Variants in OPCML observed in about 807,000 individuals in gnomAD.
OPCML encodes opioid binding protein/cell adhesion molecule like, also known as opioid-binding protein/cell adhesion molecule.
OPCML carries 13 observed loss-of-function variants against 37.8 expected under a neutral mutation model. The observed-to-expected ratio is 0.34, with a 90% CI of 0.22 to 0.55. The LOEUF is 0.55. Among genes scored for constraint, OPCML ranks in the 20% least tolerant of loss-of-function variants. The probability of loss-of-function intolerance (pLI) is 0.91; values close to 1 mark genes in which losing one functional copy is unlikely to be tolerated. For missense variants in OPCML, 341 were observed against 435.6 expected (o/e 0.78, Z 1.93); for synonymous variants, 176 against 168.8 (o/e 1.04, Z -0.33).
chr11:132,935,556 A>C (rs142636484), intron 2 of OPCML, among the ~76,000 whole-genome samples: 61 of 152,342 alleles, frequency 4.0e-4, no homozygotes, highest in African/African-American at 1.4e-3. Flanking sequence ...AATATTCAAA[A>C]CCAATTTCTA....
At position 132,920,852 on chromosome 11, in the gene OPCML, G is replaced by A. The variant is rs148864595; in HGVS notation, c.146+22074C>T. 1.3e-4 allele frequency among the ~76,000 whole-genome samples: 20 copies of A among 152,222 alleles called. No individual in the cohort carries two copies. The East Asian group carries it at 3.3e-3, about 25-fold the overall frequency. ...GCTGTCATGTCACGGCCTGGCCGGCGGGAGCCCACCTGGCGTCTCCTGAGC... is the reference window on the plus strand; with the variant it reads ...GCTGTCATGTCACGGCCTGGCCGGCAGGAGCCCACCTGGCGTCTCCTGAGC... On this transcript the variant is annotated intron_variant, in intron 2 of 7. Transcript: ENST00000524381.
intron 1 of OPCML, among the ~76,000 whole-genome samples, chr11:132,962,591 T>A (rs1453691444): frequency 6.6e-6 from 1 of 152,218 alleles, no homozygotes; most frequent in Non-Finnish European, 1.5e-5. Context: ...GGCACCCAGT[T>A]AAAGACATGT....
chr11:132,787,926 G>C (rs1279320075), intron 2 of OPCML, among the ~76,000 whole-genome samples: 1 of 152,144 alleles, frequency 6.6e-6, no homozygotes, highest in Non-Finnish European at 1.5e-5. Context: ...TTGTCACCAG[G>C]CTGGTGTGCA....
In OPCML at chr11:133,141,104, AAGC is replaced by A. The variant is rs770400076; in HGVS notation, c.62-198097_62-198095del. Among the ~76,000 whole-genome samples the A allele has an allele frequency of 2.4e-3, 322 of 135,288 alleles. 83 individuals carry two copies. The highest frequency in any genetic ancestry group is 8.4e-3 in the African/African-American group (309 of 36,968). 88.8% of individuals were successfully genotyped at this position (135,288 alleles called of 152,430 possible). A position where few individuals can be genotyped will look rare whatever the true frequency, so the allele number is the denominator to read the frequency against. ...GAAGAAGAAGAAGAAGGAGAAGAAG[AAGC>A]AGCTGAATGCCAAAGTGTGTGGACT... On this transcript the variant is annotated intron_variant, in intron 1 of 7. Transcript: ENST00000524381.
At chr11:133,081,186 G>A (rs954057113) in intron 1 of OPCML, among the ~76,000 whole-genome samples, 1 of 152,106 alleles carries the variant, frequency 6.6e-6, no homozygotes, top group Non-Finnish European at 1.5e-5. Flanking sequence ...GAGAGGGGAG[G>A]TATACCCATC....
chr11:133,428,030 GAC>G (rs755966124), intron 1 of OPCML, among the ~76,000 whole-genome samples: 1 of 152,122 alleles, frequency 6.6e-6, no homozygotes, highest in Non-Finnish European at 1.5e-5. Context: ...CTATGGAACA[GAC>G]ACAGTTACGA....
At position 133,208,118 on chromosome 11, in the gene OPCML, G is replaced by C. The variant is rs1361200708; in HGVS notation, c.62-265108C>G. Among the ~76,000 whole-genome samples the C allele has an allele frequency of 6.6e-6, 1 of 152,086 alleles. No homozygotes were observed. Among genetic ancestry groups the C allele is most frequent in the African/African-American group, 2.4e-5 (1 of 41,400 alleles). On this transcript the variant is annotated intron_variant, in intron 1 of 7. Coordinates refer to ENST00000524381, the MANE Select transcript of OPCML (RefSeq NM_001012393.5). The surrounding 1 kb of genome is among the most constrained non-coding windows in gnomAD (Gnocchi z 8.9). ...TTCAGAGCATCTACCATGATTTATT[G>C]TAATAGCTTATTTAGCTGTTGGTCT...
At chr11:133,310,318 G>A (rs1943037413) in intron 1 of OPCML, among the ~76,000 whole-genome samples, 1 of 152,192 alleles carries the variant, frequency 6.6e-6, no homozygotes, top group Middle Eastern at 3.4e-3. Flanking sequence ...TCTCTCCTTG[G>A]ACGTGGGGAT....
rs567108868 is a variant in OPCML at position 132,455,618 on chromosome 11, C to T, written c.506-18259G>A. On this transcript the variant is annotated intron_variant, in intron 4 of 7. Transcript: ENST00000524381. ...GATGCCAGTCCCGTCATTTTCAAAA[C>T]GGTCTCAGTGTAGACACTACATTAT... 1.2e-4 allele frequency among the ~76,000 whole-genome samples: 19 copies of T among 152,294 alleles called. No individual in the cohort carries two copies. In the South Asian group the frequency reaches 1.5e-3, roughly 12 times the overall value.
intron 2 of OPCML, among the ~76,000 whole-genome samples, chr11:132,877,522 G>T (rs1943065495): frequency 6.6e-6 from 1 of 152,142 alleles, no homozygotes; most frequent in Non-Finnish European, 1.5e-5. Context: ...GGCAGCAGGG[G>T]AATGCTTACT....
intron 1 of OPCML, among the ~76,000 whole-genome samples, chr11:133,136,785 G>A (rs1325655343): frequency 6.6e-6 from 1 of 150,938 alleles, no homozygotes; most frequent in African/African-American, 2.4e-5. Context: ...TAAAATGTTG[G>A]GCTTTGTTAG....
At chr11:133,140,135 C>T (rs1245519419) in intron 1 of OPCML, among the ~76,000 whole-genome samples, 3 of 150,074 alleles carry the variant, frequency 2.0e-5, no homozygotes, top group East Asian at 2.0e-4. Flanking sequence ...TGCAGTGAGC[C>T]GAGATCGCAC....
At chr11:133,138,991 G>T (rs1949731591) in intron 1 of OPCML, among the ~76,000 whole-genome samples, 1 of 152,162 alleles carries the variant, frequency 6.6e-6, no homozygotes, top group Non-Finnish European at 1.5e-5. Context: ...CTAAGTACAA[G>T]TTAAGTTTCC....
chr11:132,782,584 G>A (rs938692253), intron 2 of OPCML, among the ~76,000 whole-genome samples: 5 of 152,020 alleles, frequency 3.3e-5, no homozygotes, highest in African/African-American at 1.2e-4. Context: ...CCGCTTTTTG[G>A]CTACTGGAGA....
At chr11:133,420,423 A>C in intron 1 of OPCML, 1 of 985,410 alleles carries the variant, frequency 1.0e-6, no homozygotes, top group Non-Finnish European at 1.2e-6. Context: ...GCAGTATATC[A>C]GTTGAATTTC....
intron 1 of OPCML, among the ~76,000 whole-genome samples, chr11:133,071,948 C>A (rs1326017674): frequency 2.0e-5 from 3 of 152,146 alleles, no homozygotes; most frequent in Non-Finnish European, 4.4e-5. Context: ...AAATGCTTGC[C>A]CAGAGTCACG....
chr11:132,894,464 C>A (rs544221487), intron 2 of OPCML, among the ~76,000 whole-genome samples: 1 of 152,302 alleles, frequency 6.6e-6, no homozygotes, highest in East Asian at 1.9e-4. Flanking sequence ...ACTTCAGGGG[C>A]CCACACCACT....
chr11:133,112,263 T>G (rs966462078), intron 1 of OPCML, among the ~76,000 whole-genome samples: 7 of 125,020 alleles, frequency 5.6e-5, no homozygotes, highest in Non-Finnish European at 1.1e-4. Context: ...CCTTTTGAAG[T>G]TCAAGTTCAT....
intron 2 of OPCML, among the ~76,000 whole-genome samples, chr11:132,698,260 AACAGT>A (rs1040721264): frequency 2.6e-5 from 4 of 152,150 alleles, no homozygotes; most frequent in Admixed American, 2.6e-4. Flanking sequence ...AATTTCCACC[AACAGT>A]GTACCAGGGT....
Sources: allele counts gnomAD v4.1 joint callset (sites outside exome capture counted in the v4.1 genomes callset), GRCh38; gene constraint gnomAD v4.1.1; non-coding constraint Gnocchi (gnomAD v3.1); transcripts MANE v1.5; gene names NCBI Gene and HGNC (gene_info 2026-07-23, HGNC 2026-07-21).